AGBL1: variants seen among roughly 807,000 people sequenced by gnomAD.
The protein encoded by AGBL1 is AGBL carboxypeptidase 1.
Under a neutral mutation model 118.9 loss-of-function variants are expected in AGBL1, and 130 were observed. The ratio of observed to expected loss-of-function variants is 1.09; its 90% CI spans 0.95 to 1.26. The LOEUF (loss-of-function observed/expected upper bound fraction) is 1.26, where lower values mean the gene tolerates loss of function less well. AGBL1 is among the 50% of genes most tolerant of loss of function. The probability of loss-of-function intolerance (pLI) is 0.00; values close to 1 mark genes in which losing one functional copy is unlikely to be tolerated. For synonymous variants in AGBL1, 555 were observed against 478.9 expected (o/e 1.16, Z -2.08); for missense variants, 1,584 against 1,298.1 (o/e 1.22, Z -3.38).
chr15:86,752,381 T>C (rs2078991485), intron 22 of AGBL1, among the ~76,000 whole-genome samples: 1 of 152,142 alleles, frequency 6.6e-6, no homozygotes, highest in Non-Finnish European at 1.5e-5. Context: ...GTTTCTGAAA[T>C]GTGTCTTAAT....
chr15:86,556,297 G>A (rs2083733222), intron 21 of AGBL1: 1 of 1,607,168 alleles, frequency 6.2e-7, no homozygotes, highest in Non-Finnish European at 8.5e-7. Context: ...TATTGGAGCA[G>A]CATTTATCTT....
chr15:86,091,278 A>G (rs1185259155), intron 1 of AGBL1, among the ~76,000 whole-genome samples: 2 of 152,224 alleles, frequency 1.3e-5, no homozygotes, highest in Admixed American at 6.5e-5. Flanking sequence ...TTATCAGCAG[A>G]CGCTTTCCTA....
At chr15:86,150,339 C>A (rs919389766) in intron 3 of AGBL1, among the ~76,000 whole-genome samples, 1 of 152,116 alleles carries the variant, frequency 6.6e-6, no homozygotes, top group Admixed American at 6.6e-5. Context: ...GAATCCAGGA[C>A]CTGTTTTTTT....
intron 21 of AGBL1, among the ~76,000 whole-genome samples, chr15:86,633,656 T>C (rs1365194124): frequency 6.6e-6 from 1 of 151,688 alleles, no homozygotes; most frequent in African/African-American, 2.4e-5. Context: ...CTCTGAAATA[T>C]TTGGAAAAAA....
chr15:86,159,168 T>C, intron 5 of AGBL1, 142 bp downstream of exon 5: 1 of 761,550 alleles, frequency 1.3e-6, no homozygotes, highest in Non-Finnish European at 2.2e-6. Flanking sequence ...TCTTTATCCT[T>C]TCTCAGTTTA....
At chr15:86,452,591 C>G (rs895396822) in intron 18 of AGBL1, among the ~76,000 whole-genome samples, 1 of 152,176 alleles carries the variant, frequency 6.6e-6, no homozygotes, top group African/African-American at 2.4e-5. Flanking sequence ...TATTTACACC[C>G]TGTCACATCC....
rs1835629 is a variant in AGBL1 at position 86,412,500 on chromosome 15, A to C, written c.2555+14954A>C. On this transcript the variant is annotated intron_variant, in intron 18 of 22. Coordinates refer to ENST00000614907, the MANE Select transcript of AGBL1 (RefSeq NM_001386094.1). ...GTTTAGTCCTGATACACAGTGTTTT[A>C]ACTATAATTGTCAGTGTTTGGTTTC... is the stretch of plus-strand genomic sequence containing the variant. 1.1e-4 allele frequency among the ~76,000 whole-genome samples: 16 copies of C among 152,236 alleles called. No homozygotes were observed. In the East Asian group the frequency reaches 3.1e-3, roughly 29 times the overall value.
At chr15:86,651,385 A>G (rs2085366733) in intron 21 of AGBL1, among the ~76,000 whole-genome samples, 1 of 152,204 alleles carries the variant, frequency 6.6e-6, no homozygotes, top group South Asian at 2.1e-4. Flanking sequence ...TATCAAAGAG[A>G]TAATTCAAAG....
chr15:86,472,009 T>C (rs2082485693), intron 18 of AGBL1, among the ~76,000 whole-genome samples: 1 of 152,148 alleles, frequency 6.6e-6, no homozygotes, highest in African/African-American at 2.4e-5. Flanking sequence ...AAGAAGGTCA[T>C]GTGAAGACAG....
At chr15:86,337,491 G>T (rs925306407) in intron 17 of AGBL1, among the ~76,000 whole-genome samples, 1 of 152,194 alleles carries the variant, frequency 6.6e-6, no homozygotes, top group Admixed American at 6.5e-5. Flanking sequence ...TAAAGAAAAT[G>T]TGGTACATAT....
At chr15:86,506,426 A>T (rs145258147) in intron 18 of AGBL1, among the ~76,000 whole-genome samples, 8 of 151,760 alleles carry the variant, frequency 5.3e-5, no homozygotes, top group Non-Finnish European at 1.0e-4. Context: ...ATTGCCTCTA[A>T]TTTTTTTCAA....
rs775341691 is a variant in AGBL1, at chr15:86,159,011, G to A, written c.473G>A (p.Arg158His). ...GTTATTACTCCTTACACCCGAAAGC[G>A]CACCCAAGCAATCAGGTACAGAGTG... ...FKVITPYTRKRTQAIRAATEV... is the reference protein window; with the variant it reads ...FKVITPYTRKHTQAIRAATEV... Residue 158 changes from arginine to histidine, a missense_variant, in exon 5 of 23, where the codon CGC becomes CAC. Arg to His is a conservative substitution (Grantham distance 29). Coordinates refer to ENST00000614907, the MANE Select transcript of AGBL1 (RefSeq NM_001386094.1). The A allele has an allele frequency of 2.4e-5, 38 of 1,613,142 alleles. No homozygotes were observed. The highest frequency in any genetic ancestry group is 6.6e-5 in the South Asian group (6 of 91,056).
chr15:86,253,562 A>G (rs571003417), intron 7 of AGBL1, among the ~76,000 whole-genome samples: 2 of 152,172 alleles, frequency 1.3e-5, no homozygotes, highest in South Asian at 2.1e-4. Context: ...ATCAACTTGT[A>G]AGGAGGCACG....
chr15:86,549,818 A>AGAAG (rs915882524), intron 20 of AGBL1, among the ~76,000 whole-genome samples: 5 of 144,692 alleles, frequency 3.5e-5, no homozygotes, highest in Admixed American at 6.9e-5. Context: ...TAGAACAGAA[A>AGAAG]GAAGGAAGGA....
At chr15:86,793,828 G>C (rs1050193946) in intron 22 of AGBL1, among the ~76,000 whole-genome samples, 15 of 152,094 alleles carry the variant, frequency 9.9e-5, no homozygotes, top group African/African-American at 3.6e-4. Context: ...ATGCACACAT[G>C]GTCAACAAGT....
intron 1 of AGBL1, among the ~76,000 whole-genome samples, chr15:86,126,542 T>C (rs571757081): frequency 6.6e-6 from 1 of 152,310 alleles, no homozygotes; most frequent in East Asian, 1.9e-4. Context: ...AAGCACAAGA[T>C]CCTGTTGATG....
At chr15:86,478,613 C>T (rs1392851680) in intron 18 of AGBL1, among the ~76,000 whole-genome samples, 1 of 152,142 alleles carries the variant, frequency 6.6e-6, no homozygotes, top group Non-Finnish European at 1.5e-5. Flanking sequence ...ACATTCCATG[C>T]TCATGGATAG....
intron 17 of AGBL1, among the ~76,000 whole-genome samples, chr15:86,304,016 G>A (rs187087822): frequency 2.6e-5 from 4 of 152,218 alleles, no homozygotes; most frequent in South Asian, 2.1e-4. Flanking sequence ...TGTACTGACT[G>A]CCTCTTTCAG....
chr15:86,153,427 T>C (rs1640080842), intron 3 of AGBL1, among the ~76,000 whole-genome samples: 4 of 151,244 alleles, frequency 2.6e-5, no homozygotes, highest in African/African-American at 9.7e-5. Flanking sequence ...AACCAAACAC[T>C]GCATGCTCTC....
Sources: allele counts gnomAD v4.1 joint callset (sites outside exome capture counted in the v4.1 genomes callset), GRCh38; gene constraint gnomAD v4.1.1; transcripts MANE v1.5; gene names NCBI Gene and HGNC (gene_info 2026-07-23, HGNC 2026-07-21).